DMD: variants seen among roughly 807,000 people sequenced by gnomAD.
The protein encoded by DMD is dystrophin.
Under a neutral mutation model 330.1 loss-of-function variants are expected in DMD, and 63 were observed. The observed-to-expected ratio is 0.19, with a 90% CI of 0.16 to 0.24. DMD has a LOEUF of 0.24. Among genes scored for constraint, DMD ranks in the 10% least tolerant of loss-of-function variants. DMD has a pLI of 1.00. For synonymous variants in DMD, 1,223 were observed against 959.8 expected, an observed-to-expected ratio of 1.27 and a Z score of -5.07; for missense variants, 3,344 against 2,684.1, an observed-to-expected ratio of 1.25 and a Z score of -5.43.
chrX:32,712,174 G>A (rs1169431608), intron 7 of DMD, among the ~76,000 whole-genome samples: 1 of 111,329 alleles, frequency 9.0e-6, no homozygotes, highest in East Asian at 2.8e-4. Flanking sequence ...TTGGACACTT[G>A]CCATAAGTCG....
chrX:32,834,248 G>T (rs1371715496), intron 4 of DMD, among the ~76,000 whole-genome samples: 1 of 111,042 alleles, frequency 9.0e-6, no homozygotes, highest in Admixed American at 9.7e-5. Flanking sequence ...CTATTGTGTG[G>T]ACTGACAATT....
At chrX:33,152,073 T>C (rs746809413) in intron 1 of DMD, among the ~76,000 whole-genome samples, 6 of 111,679 alleles carry the variant, frequency 5.4e-5, no homozygotes, top group Non-Finnish European at 9.4e-5. Flanking sequence ...CATTTGTATG[T>C]TTTGTTTTTA....
At chrX:33,213,240 GGTAA>G (rs1296462196), upstream of DMD, among the ~76,000 whole-genome samples, 1 of 111,301 alleles carries the variant, frequency 9.0e-6, no homozygotes, top group Non-Finnish European at 1.9e-5. Context: ...ATGTGTCCTG[GGTAA>G]TGTCTAAAGC....
At chrX:32,783,222 G>T (rs866840369) in intron 7 of DMD, among the ~76,000 whole-genome samples, 1 of 93,040 alleles carries the variant, frequency 1.1e-5, no homozygotes, top group Non-Finnish European at 2.1e-5. Context: ...GTGTATATAC[G>T]TGTATACGTA....
intron 55 of DMD, among the ~76,000 whole-genome samples, chrX:31,572,347 C>CA (rs1398370989): frequency 8.9e-6 from 1 of 111,934 alleles, no homozygotes; most frequent in African/African-American, 3.2e-5. Flanking sequence ...TAAATTCTTG[C>CA]ATAAGAGGTA....
chrX:32,515,334 A>G (rs1455461498), intron 18 of DMD, among the ~76,000 whole-genome samples: 3 of 111,267 alleles, frequency 2.7e-5, no homozygotes, highest in African/African-American at 9.8e-5. Flanking sequence ...GATAACAGAG[A>G]TAGGAGAAAT....
chrX:32,463,372 A>C (rs1352314038), intron 25 of DMD, 67 bp downstream of exon 25: 13 of 1,047,495 alleles, frequency 1.2e-5, no homozygotes, highest in Admixed American at 2.7e-5. Context: ...GTAACGGTGA[A>C]GGGAGACATT....
At chrX:32,396,530 C>A (rs774780112) in intron 30 of DMD, among the ~76,000 whole-genome samples, 1 of 110,911 alleles carries the variant, frequency 9.0e-6, no homozygotes, top group African/African-American at 3.3e-5. Flanking sequence ...TGTGTCTATA[C>A]CACAGAACTT....
chrX:33,289,739 A>G (rs1418950835), intron 1 of DMD, among the ~76,000 whole-genome samples: 1 of 111,583 alleles, frequency 9.0e-6, no homozygotes, highest in Non-Finnish European at 1.9e-5. Flanking sequence ...TCTGTGGATT[A>G]TCTATTATAG....
intron 21 of DMD, among the ~76,000 whole-genome samples, chrX:32,480,555 A>C (rs2148545025): frequency 9.0e-6 from 1 of 111,282 alleles, no homozygotes; most frequent in African/African-American, 3.3e-5. Flanking sequence ...ACGTGTGTAT[A>C]TACACAATAT....
chrX:32,611,405 C>T (rs808515), intron 12 of DMD, among the ~76,000 whole-genome samples: 42,976 of 109,996 alleles, frequency 0.39, 8,105 homozygotes, highest in African/African-American at 0.74. Flanking sequence ...ACTCCTGTTG[C>T]CTTCTTTTGT....
chrX:32,732,861 G>A (rs1227535114), intron 7 of DMD, among the ~76,000 whole-genome samples: 1 of 110,190 alleles, frequency 9.1e-6, no homozygotes, highest in Non-Finnish European at 1.9e-5. Context: ...CAACTAACGA[G>A]CAAAATCACC....
At chrX:31,178,342 T>C (rs2040768934) in intron 70 of DMD, 8 of 964,835 alleles carry the variant, frequency 8.3e-6, no homozygotes, top group Admixed American at 5.0e-5. Flanking sequence ...GAGAGGAAAA[T>C]CAAAATGAAA....
intron 2 of DMD, among the ~76,000 whole-genome samples, chrX:32,928,716 G>A (rs1167039871): frequency 1.8e-5 from 2 of 111,738 alleles, no homozygotes; most frequent in Non-Finnish European, 3.8e-5. Context: ...ATATAATTAA[G>A]CAACTTTGAA....
At chrX:32,638,644 T>A (rs1280798723) in intron 11 of DMD, among the ~76,000 whole-genome samples, 1 of 112,106 alleles carries the variant, frequency 8.9e-6, no homozygotes, top group African/African-American at 3.2e-5. Flanking sequence ...ACTTACCAAA[T>A]TGTGAAATAA....
At chrX:31,280,035 G>A (rs1463808034) in intron 62 of DMD, among the ~76,000 whole-genome samples, 1 of 112,204 alleles carries the variant, frequency 8.9e-6, no homozygotes, top group Non-Finnish European at 1.9e-5. Context: ...TACAGCAAAA[G>A]TAGCTGTTAC....
intron 1 of DMD, among the ~76,000 whole-genome samples, chrX:33,322,027 C>G (rs2054023098): frequency 1.8e-5 from 2 of 112,026 alleles, no homozygotes; most frequent in South Asian, 7.4e-4. Context: ...AATATTGTGG[C>G]TGGTTTGATC....
At chrX:31,722,328 C>T (rs1460332295) in intron 52 of DMD, among the ~76,000 whole-genome samples, 1 of 109,886 alleles carries the variant, frequency 9.1e-6, no homozygotes, top group Non-Finnish European at 1.9e-5. Flanking sequence ...ACCATGTTAG[C>T]CAGGCTGGTT....
intron 11 of DMD, among the ~76,000 whole-genome samples, chrX:32,615,407 T>C (rs781199723): frequency 2.6e-4 from 29 of 111,235 alleles, no homozygotes; most frequent in African/African-American, 9.5e-4. Context: ...GGGATAATGT[T>C]TTGCCTATTA....
Sources: gnomAD v4.1 joint callset for allele counts (sites outside exome capture counted in the v4.1 genomes callset) on GRCh38, gnomAD v4.1.1 for gene constraint, MANE v1.5 for transcripts, NCBI Gene and HGNC (gene_info 2026-07-23, HGNC 2026-07-21) for gene names.